The following ROBO2 variants were observed in gnomAD, a reference collection of about 807,000 sequenced individuals.
ROBO2 encodes the protein roundabout homolog 2.
A neutral mutation model predicts 160.8 loss-of-function variants in ROBO2; 53 were observed. The observed-to-expected ratio is 0.33, with a 90% confidence interval of 0.26 to 0.41. The LOEUF (loss-of-function observed/expected upper bound fraction) is 0.41. Among genes scored for constraint, ROBO2 ranks in the 10% least tolerant of loss-of-function variants. The pLI is 1.00. For missense variants in ROBO2, 1,577 were observed against 1,722.4 expected (o/e 0.92, Z 1.49); for synonymous variants, 664 against 611.7 (o/e 1.09, Z -1.26).
intron 2 of ROBO2, among the ~76,000 whole-genome samples, chr3:77,199,578 T>C (rs547629452): frequency 6.6e-6 from 1 of 151,938 alleles, no homozygotes; most frequent in East Asian, 1.9e-4. Context: ...TAGCGGACAC[T>C]CAGTGACTGA....
intron 5 of ROBO2, among the ~76,000 whole-genome samples, chr3:77,499,929 G>A (rs1011912847): frequency 5.3e-5 from 8 of 152,070 alleles, no homozygotes; most frequent in Admixed American, 4.6e-4. Context: ...TTACAGGTGT[G>A]AGCCACCGTG....
At chr3:77,220,161 C>T (rs1337079671) in intron 2 of ROBO2, among the ~76,000 whole-genome samples, 6 of 152,028 alleles carry the variant, frequency 3.9e-5, no homozygotes, top group Non-Finnish European at 7.3e-5. Context: ...CAGGCACGTG[C>T]CACCACGCCT....
intron 2 of ROBO2, among the ~76,000 whole-genome samples, chr3:76,436,181 C>CACACACACACACACACACACA (rs1559941598): frequency 2.0e-4 from 30 of 151,334 alleles, no homozygotes; most frequent in Middle Eastern, 3.4e-3. Flanking sequence ...CACACACACA[C>CACACACACACACACACACACA]CATTTCTTTT....
chr3:76,997,878 A>G (rs941331139), intron 2 of ROBO2, among the ~76,000 whole-genome samples: 15 of 152,142 alleles, frequency 9.9e-5, no homozygotes, highest in African/African-American at 3.4e-4. Context: ...ATGGCCCAAA[A>G]TGACCTCAGA....
intron 2 of ROBO2, among the ~76,000 whole-genome samples, chr3:76,757,001 A>G (rs2108314865): frequency 6.6e-6 from 1 of 151,974 alleles, no homozygotes; most frequent in South Asian, 2.1e-4. Context: ...TTGATGTCCA[A>G]AGGCCTTGGA....
chr3:77,410,660 T>TTCCTCCTCCTCCTCTTCC (rs1217495809), intron 2 of ROBO2, among the ~76,000 whole-genome samples: 5 of 59,838 alleles, frequency 8.4e-5, no homozygotes, highest in African/African-American at 3.7e-4. Context: ...CCTCCTCTTC[T>TTCCTCCTCCTCCTCTTCC]TCCTCCTCCT....
At chr3:77,358,200 C>G (rs78700610) in intron 2 of ROBO2, among the ~76,000 whole-genome samples, 1 of 152,282 alleles carries the variant, frequency 6.6e-6, no homozygotes, top group East Asian at 1.9e-4. Flanking sequence ...GCCATGTTCT[C>G]TTGGAGACTC....
intron 2 of ROBO2, among the ~76,000 whole-genome samples, chr3:76,215,845 A>G (rs1445500112): frequency 2.0e-5 from 3 of 152,210 alleles, no homozygotes; most frequent in Non-Finnish European, 4.4e-5. Flanking sequence ...AACAGCTCCA[A>G]GACACATAAC....
At chr3:77,466,466 G>A (rs2082769956) in intron 2 of ROBO2, among the ~76,000 whole-genome samples, 1 of 152,092 alleles carries the variant, frequency 6.6e-6, no homozygotes, top group African/African-American at 2.4e-5. Flanking sequence ...TTGAGTTTAT[G>A]GATGATGATG....
intron 2 of ROBO2, among the ~76,000 whole-genome samples, chr3:76,860,129 G>C (rs1158119571): frequency 6.6e-6 from 1 of 152,112 alleles, no homozygotes; most frequent in East Asian, 1.9e-4. Flanking sequence ...TTTTGCAAGG[G>C]AAGTGATGAG....
intron 2 of ROBO2, among the ~76,000 whole-genome samples, chr3:76,628,221 C>A (rs1194845993): frequency 1.3e-5 from 2 of 151,970 alleles, no homozygotes. Context: ...TACTTGTCGA[C>A]TGCTAAGATA....
At chr3:76,157,565 T>C (rs2072456866) in intron 2 of ROBO2, among the ~76,000 whole-genome samples, 1 of 152,186 alleles carries the variant, frequency 6.6e-6, no homozygotes, top group South Asian at 2.1e-4. Flanking sequence ...GATTTCTAGC[T>C]AATGTGAGAG....
chr3:77,442,696 G>A (rs972494863), intron 2 of ROBO2, among the ~76,000 whole-genome samples: 2 of 152,238 alleles, frequency 1.3e-5, no homozygotes, highest in African/African-American at 4.8e-5. Context: ...TAAGTATTGA[G>A]TACCAGGGTT....
intron 2 of ROBO2, among the ~76,000 whole-genome samples, chr3:77,305,100 T>A (rs2062986416): frequency 6.6e-6 from 1 of 152,224 alleles, no homozygotes; most frequent in Non-Finnish European, 1.5e-5. Flanking sequence ...TTAATTTAAG[T>A]ACAATTGTAT....
intron 2 of ROBO2, among the ~76,000 whole-genome samples, chr3:77,159,929 A>G (rs774218471): frequency 1.3e-5 from 2 of 152,098 alleles, no homozygotes; most frequent in Admixed American, 6.6e-5. Flanking sequence ...TAAACATTAT[A>G]TTGTCAGTGG....
At chr3:76,255,311 T>C (rs1483245167) in intron 2 of ROBO2, among the ~76,000 whole-genome samples, 3 of 152,168 alleles carry the variant, frequency 2.0e-5, no homozygotes, top group Non-Finnish European at 4.4e-5. Flanking sequence ...ATCTGGAAGA[T>C]AATGAAAATA....
intron 2 of ROBO2, among the ~76,000 whole-genome samples, chr3:77,428,232 T>C (rs2078400137): frequency 1.3e-5 from 2 of 152,194 alleles, no homozygotes; most frequent in Non-Finnish European, 2.9e-5. Context: ...TATGTGATTT[T>C]ATTCGTTACT....
intron 2 of ROBO2, among the ~76,000 whole-genome samples, chr3:76,125,017 AT>A (rs1357636513): frequency 6.6e-6 from 1 of 152,042 alleles, no homozygotes; most frequent in Non-Finnish European, 1.5e-5. Flanking sequence ...CTTCTAGCAG[AT>A]TGCAGTGTCT....
intron 2 of ROBO2, among the ~76,000 whole-genome samples, chr3:76,732,789 T>G (rs777600532): frequency 6.6e-6 from 1 of 152,308 alleles, no homozygotes; most frequent in African/African-American, 2.4e-5. Context: ...CAACATAATT[T>G]AGCAAACAGA....
Sources: allele counts gnomAD v4.1 joint callset (sites outside exome capture counted in the v4.1 genomes callset), GRCh38; gene constraint gnomAD v4.1.1; transcripts MANE v1.5; gene names NCBI Gene and HGNC (gene_info 2026-07-23, HGNC 2026-07-21).